SDHAF3: variants seen among roughly 807,000 people sequenced by gnomAD.
The protein encoded by SDHAF3 is succinate dehydrogenase complex assembly factor 3, also known as succinate dehydrogenase assembly factor 3, mitochondrial.
In SDHAF3, 18 loss-of-function variants were observed where a neutral mutation model predicts 11.5. The observed-to-expected ratio is 1.56, with a 90% CI of 1.08 to 2.32. The LOEUF is 2.32. SDHAF3 is among the 30% of genes most tolerant of loss of function. The pLI is 0.00. For missense variants in SDHAF3, 200 were observed against 154.4 expected (o/e 1.30, Z -1.57); for synonymous variants, 72 against 59.3 (o/e 1.21, Z -0.99).
intron 1 of SDHAF3, among the ~76,000 whole-genome samples, chr7:97,156,622 A>G (rs1479809953): frequency 6.6e-6 from 1 of 152,188 alleles, no homozygotes; most frequent in Non-Finnish European, 1.5e-5. Flanking sequence ...ATCAAAAGTA[A>G]ATACAGGGGT....
chr7:97,118,784 T>TAA (rs139768848), intron 1 of SDHAF3, among the ~76,000 whole-genome samples: 3 of 151,516 alleles, frequency 2.0e-5, no homozygotes, highest in Admixed American at 1.3e-4. Flanking sequence ...GTCGGCTTTG[T>TAA]AAAAAAAAAT....
intron 1 of SDHAF3, among the ~76,000 whole-genome samples, chr7:97,148,748 C>T (rs1271751791): frequency 2.6e-5 from 4 of 151,868 alleles, no homozygotes; most frequent in South Asian, 2.1e-4. Flanking sequence ...TTTATATGTG[C>T]GTAAGATAAC....
Position 97,181,109 on chromosome 7 carries a change from A to G in SDHAF3, c.272A>G (p.Asn91Ser). ...ACCTTCCTCCCAGAAGAAAAACTTA[A>G]TGACTTTCGTGATGAACAAATTGGA... ...FGTFLPEEKL[N>S]DFRDEQIGQL... The change falls in exon 2 of 2, where the codon AAT (asparagine) becomes AGT (serine). Residue 91 changes from asparagine to serine, a missense_variant. Asn to Ser is a conservative substitution (Grantham distance 46). Coordinates refer to ENST00000432641, the MANE Select transcript of SDHAF3 (RefSeq NM_020186.3). 6.2e-7 allele frequency: 1 copy of G among 1,614,106 alleles called. No individual in the cohort carries two copies. Among genetic ancestry groups the G allele is most frequent in the African/African-American group, 1.3e-5 (1 of 75,068 alleles).
chr7:97,131,102 T>C (rs185364993), intron 1 of SDHAF3, among the ~76,000 whole-genome samples: 2 of 152,320 alleles, frequency 1.3e-5, no homozygotes, highest in East Asian at 1.9e-4. Flanking sequence ...GACAAAAATG[T>C]TGTGTTCTTA....
rs537034922 is a variant in SDHAF3 at position 97,128,556 on chromosome 7, G to C, written c.174+10659G>C. ...TAATGTTAATATGCTAGTGGTCATA[G>C]TTCTGAAACATTGTGTGTGTAGAGG... On this transcript the variant is annotated intron_variant, in intron 1 of 1. Transcript: ENST00000432641. 6.0e-4 allele frequency among the ~76,000 whole-genome samples: 92 copies of C among 152,244 alleles called. 1 individual carries two copies. The highest frequency in any genetic ancestry group is 2.1e-3 in the African/African-American group (89 of 41,550).
At chr7:97,121,772 A>G (rs60114973) in intron 1 of SDHAF3, among the ~76,000 whole-genome samples, 4,968 of 152,112 alleles carry the variant, frequency 0.033, 254 homozygotes, top group African/African-American at 0.11. Context: ...TATCAAAAAG[A>G]GAACCTTCTA....
intron 1 of SDHAF3, among the ~76,000 whole-genome samples, chr7:97,177,583 G>T (rs375673648): frequency 1.3e-5 from 2 of 152,008 alleles, no homozygotes; most frequent in African/African-American, 4.8e-5. Context: ...TTAAACTTAC[G>T]GTAGATCTTT....
chr7:97,151,815 T>C (rs771913784), intron 1 of SDHAF3, among the ~76,000 whole-genome samples: 192 of 152,218 alleles, frequency 1.3e-3, no homozygotes, highest in Non-Finnish European at 1.5e-3. Flanking sequence ...TAGTCTCTTT[T>C]TCCTGTGGTA....
Position 97,181,593 on chromosome 7 carries a change from T to G in SDHAF3, c.*378T>G. ...CAAGGTTATTATTTTTTAAATACAT[T>G]GTCATTCTGAACATTTTATCACTTC... On this transcript the variant is annotated 3_prime_UTR_variant, in exon 2 of 2. Transcript: ENST00000432641. 6.2e-6 allele frequency: 1 copy of G among 161,660 alleles called. No individual in the cohort carries two copies. The highest frequency in any genetic ancestry group is 1.4e-5 in the Non-Finnish European group (1 of 73,654). The allele number at this position is 161,660 out of a possible 1,614,324, so 10.0% of individuals were successfully genotyped here. A position where few individuals can be genotyped will look rare whatever the true frequency, so the allele number is the denominator to read the frequency against.
chr7:97,122,673 T>G (rs1791519913), intron 1 of SDHAF3, among the ~76,000 whole-genome samples: 2 of 152,124 alleles, frequency 1.3e-5, no homozygotes, highest in African/African-American at 4.8e-5. Flanking sequence ...CAGTTTGGTG[T>G]GCTTTGTGCT....
chr7:97,117,951 A>G, intron 1 of SDHAF3, 54 bp downstream of exon 1: 1 of 1,589,792 alleles, frequency 6.3e-7, no homozygotes, highest in Non-Finnish European at 8.6e-7. Flanking sequence ...CTCGGTGTCC[A>G]GGTTTCTAGT....
chr7:97,168,688 A>G (rs1236209194), intron 1 of SDHAF3, among the ~76,000 whole-genome samples: 1 of 152,124 alleles, frequency 6.6e-6, no homozygotes, highest in Non-Finnish European at 1.5e-5. Flanking sequence ...CGGGGGTGTA[A>G]TTGGGATAGG....
intron 1 of SDHAF3, among the ~76,000 whole-genome samples, chr7:97,159,590 TAACA>T (rs1178223329): frequency 2.6e-5 from 4 of 152,136 alleles, no homozygotes; most frequent in Non-Finnish European, 4.4e-5. Context: ...AAATAAGTCA[TAACA>T]AACAACCCCA....
At chr7:97,173,907 T>TAAAAAAAAAAAGAAAAAAAAGC (rs1789642360) in intron 1 of SDHAF3, among the ~76,000 whole-genome samples, 1 of 151,174 alleles carries the variant, frequency 6.6e-6, no homozygotes, top group Non-Finnish European at 1.5e-5. Flanking sequence ...CTGATTGTTT[T>TAAAAAAAAAAAGAAAAAAAAGC]TGTTAGCAGC....
At chr7:97,139,962 C>A (rs1468815377) in intron 1 of SDHAF3, among the ~76,000 whole-genome samples, 1 of 152,152 alleles carries the variant, frequency 6.6e-6, no homozygotes, top group East Asian at 1.9e-4. Flanking sequence ...TTATAAAATA[C>A]AACTTTGATC....
intron 1 of SDHAF3, among the ~76,000 whole-genome samples, chr7:97,131,476 T>A (rs914542037): frequency 6.6e-6 from 1 of 152,244 alleles, no homozygotes; most frequent in African/African-American, 2.4e-5. Flanking sequence ...TTAAACTTTT[T>A]AAATAATCAG....
At chr7:97,124,792 CTGTT>C (rs1380419509) in intron 1 of SDHAF3, among the ~76,000 whole-genome samples, 11 of 152,246 alleles carry the variant, frequency 7.2e-5, no homozygotes, top group South Asian at 6.2e-4. Context: ...ATTTGGCTCT[CTGTT>C]TGTCTATTAT....
At chr7:97,169,398 T>C (rs1276178505) in intron 1 of SDHAF3, among the ~76,000 whole-genome samples, 7 of 152,208 alleles carry the variant, frequency 4.6e-5, no homozygotes, top group Non-Finnish European at 7.3e-5. Flanking sequence ...TTTCAATATA[T>C]ATCAAATATA....
At chr7:97,145,222 T>C (rs1789118715) in intron 1 of SDHAF3, among the ~76,000 whole-genome samples, 2 of 152,150 alleles carry the variant, frequency 1.3e-5, no homozygotes, top group South Asian at 4.1e-4. Context: ...TAATTTTGTG[T>C]GTACATGTAA....
Sources: gnomAD v4.1 joint callset for allele counts (sites outside exome capture counted in the v4.1 genomes callset) on GRCh38, gnomAD v4.1.1 for gene constraint, MANE v1.5 for transcripts, NCBI Gene and HGNC (gene_info 2026-07-23, HGNC 2026-07-21) for gene names.